SH3RF3: variants seen among roughly 807,000 people sequenced by gnomAD.
SH3RF3 encodes SH3 domain containing ring finger 3, also known as E3 ubiquitin-protein ligase SH3RF3.
A neutral mutation model predicts 66.3 loss-of-function variants in SH3RF3; 29 were observed. The ratio of observed to expected loss-of-function variants is 0.44; its 90% CI spans 0.33 to 0.60. The LOEUF is 0.60. SH3RF3 is among the 20% of genes least tolerant of loss of function. The probability of loss-of-function intolerance (pLI) is 0.04; values close to 1 mark genes in which losing one functional copy is unlikely to be tolerated. For missense variants in SH3RF3, 1,194 were observed against 1,190.9 expected (o/e 1.00, Z -0.04); for synonymous variants, 583 against 532.0 (o/e 1.10, Z -1.32).
chr2:109,266,283 G>A (rs1490705691), intron 1 of SH3RF3, among the ~76,000 whole-genome samples: 2 of 151,434 alleles, frequency 1.3e-5, no homozygotes, highest in Non-Finnish European at 2.9e-5. Flanking sequence ...TTATTTGCAT[G>A]TTTGTGTTGT....
chr2:109,235,744 GACA>G (rs2105200890), intron 1 of SH3RF3, among the ~76,000 whole-genome samples: 1 of 152,344 alleles, frequency 6.6e-6, no homozygotes, highest in East Asian at 1.9e-4. Context: ...GAGCTCTGAT[GACA>G]ACACTTGTTA....
chr2:109,464,374 A>G (rs914126359), intron 8 of SH3RF3, among the ~76,000 whole-genome samples: 3 of 152,270 alleles, frequency 2.0e-5, no homozygotes, highest in African/African-American at 7.2e-5. Flanking sequence ...ATATTTATGT[A>G]TATACATCTA....
intron 8 of SH3RF3, among the ~76,000 whole-genome samples, chr2:109,463,058 G>A (rs1573272397): frequency 1.3e-5 from 2 of 152,204 alleles, no homozygotes; most frequent in Non-Finnish European, 2.9e-5. Flanking sequence ...CTTTCCTCAA[G>A]AAGACCTAAC....
chr2:109,392,790 C>T (rs1488765114), intron 3 of SH3RF3, among the ~76,000 whole-genome samples: 2 of 152,186 alleles, frequency 1.3e-5, no homozygotes, highest in African/African-American at 2.4e-5. Context: ...GCTGAGATTA[C>T]AGGCGTCAGC....
chr2:109,239,107 C>T (rs920779021), intron 1 of SH3RF3, among the ~76,000 whole-genome samples: 1 of 152,208 alleles, frequency 6.6e-6, no homozygotes, highest in South Asian at 2.1e-4. Context: ...ACGTCCAAGA[C>T]ACGTCTTTTC....
intron 3 of SH3RF3, among the ~76,000 whole-genome samples, chr2:109,391,401 C>T (rs145954976): frequency 9.2e-4 from 140 of 152,316 alleles, no homozygotes; most frequent in African/African-American, 3.2e-3. Context: ...TGCAGGTCAC[C>T]CACAGGCTCG....
chr2:109,317,203 G>T (rs547913113), intron 1 of SH3RF3, among the ~76,000 whole-genome samples: 1 of 132,164 alleles, frequency 7.6e-6, no homozygotes, highest in Non-Finnish European at 1.6e-5. Context: ...TGGGGTTTTC[G>T]GGACCCCAGC....
chr2:109,403,802 C>T (rs772759548), intron 4 of SH3RF3, among the ~76,000 whole-genome samples: 5 of 152,222 alleles, frequency 3.3e-5, no homozygotes, highest in Admixed American at 2.0e-4. Flanking sequence ...CTTATCCTTG[C>T]ACCTGCAACC....
At chr2:109,432,374 C>A (rs1026586161) in intron 5 of SH3RF3, 127 bp from the exon 6 acceptor site, 9 of 1,188,832 alleles carry the variant, frequency 7.6e-6, no homozygotes, top group African/African-American at 1.5e-5. Context: ...ACTGCAGAGC[C>A]CCCATAGACT....
intron 8 of SH3RF3, among the ~76,000 whole-genome samples, chr2:109,466,154 ACTG>A (rs1678340706): frequency 7.7e-6 from 1 of 130,276 alleles, no homozygotes; most frequent in Non-Finnish European, 1.5e-5. Flanking sequence ...ATCTCGGCTC[ACTG>A]CTGCAACCTC....
chr2:109,184,360 T>A (rs1030219799), intron 1 of SH3RF3, among the ~76,000 whole-genome samples: 5 of 152,222 alleles, frequency 3.3e-5, no homozygotes, highest in Admixed American at 6.5e-5. Flanking sequence ...GGCCAGGAGT[T>A]TCCTAGCAGG....
Position 109,349,489 on chromosome 2 carries a change from GC to G in SH3RF3, c.849+1543del, listed in dbSNP as rs543650916. Among the ~76,000 whole-genome samples, 309 of 152,254 alleles carry G rather than the reference GC, an allele frequency of 2.0e-3. 1 individual carries two copies. The highest frequency in any genetic ancestry group is 1.7e-3 in the Non-Finnish European group (119 of 68,004). On this transcript the variant is annotated intron_variant, in intron 2 of 9. Coordinates refer to ENST00000309415, the MANE Select transcript of SH3RF3 (RefSeq NM_001099289.3). The stretch of plus-strand genomic sequence containing the variant: ...ACACAGAAACCCAACTTGCTTCTCT[GC>G]CCAGTGGACTCTTCCCCCTAAGAGA...
At chr2:109,181,736 A>G (rs4676072) in intron 1 of SH3RF3, among the ~76,000 whole-genome samples, 124,640 of 152,184 alleles carry the variant, frequency 0.82, 51,180 homozygotes, top group East Asian at 0.89. Context: ...TTCTCCAGCC[A>G]TGGTAGTGGA....
intron 1 of SH3RF3, among the ~76,000 whole-genome samples, chr2:109,235,477 A>C (rs1679625524): frequency 6.6e-6 from 1 of 152,220 alleles, no homozygotes; most frequent in Non-Finnish European, 1.5e-5. Context: ...ATTAACCCTC[A>C]TGCCAGGACA....
chr2:109,229,332 A>G (rs1679444854), intron 1 of SH3RF3, among the ~76,000 whole-genome samples: 2 of 152,202 alleles, frequency 1.3e-5, no homozygotes, highest in African/African-American at 4.8e-5. Flanking sequence ...TTACATTAGC[A>G]TGGTACTTTT....
chr2:109,342,185 C>T (rs752767795), intron 1 of SH3RF3, among the ~76,000 whole-genome samples: 1 of 152,226 alleles, frequency 6.6e-6, no homozygotes, highest in Non-Finnish European at 1.5e-5. Context: ...CCCCACTTCT[C>T]ATCAGCCATA....
chr2:109,435,323 A>G (rs1450282642), intron 6 of SH3RF3, among the ~76,000 whole-genome samples: 2 of 152,182 alleles, frequency 1.3e-5, no homozygotes, highest in African/African-American at 4.8e-5. Flanking sequence ...TGCCCCCAGG[A>G]CTTATACTTT....
chr2:109,396,971 C>T (rs1441026083), intron 3 of SH3RF3, among the ~76,000 whole-genome samples: 2 of 152,214 alleles, frequency 1.3e-5, no homozygotes, highest in Non-Finnish European at 2.9e-5. Flanking sequence ...ACTGCTGAGT[C>T]CCGTTTTTCC....
chr2:109,449,544 C>CT, intron 8 of SH3RF3, 55 bp downstream of exon 8: 1 of 1,571,506 alleles, frequency 6.4e-7, no homozygotes, highest in South Asian at 1.2e-5. Context: ...CTTACTGTAA[C>CT]TTTTTGGCAC....
Sources: allele counts gnomAD v4.1 joint callset (sites outside exome capture counted in the v4.1 genomes callset), GRCh38; gene constraint gnomAD v4.1.1; transcripts MANE v1.5; gene names NCBI Gene and HGNC (gene_info 2026-07-23, HGNC 2026-07-21).